The following RORA variants were observed in gnomAD, a reference collection of about 807,000 sequenced individuals.
RORA encodes the protein nuclear receptor ROR-alpha.
Under a neutral mutation model 69.5 loss-of-function variants are expected in RORA, and 7 were observed. The ratio of observed to expected loss-of-function variants is 0.10; its 90% CI spans 0.06 to 0.19. The LOEUF is 0.19. Among genes scored for constraint, RORA ranks in the 10% least tolerant of loss-of-function variants. RORA has a pLI of 1.00. For missense variants in RORA, 457 were observed against 663.0 expected, an observed-to-expected ratio of 0.69 and a Z score of 3.41; for synonymous variants, 261 against 240.8, an observed-to-expected ratio of 1.08 and a Z score of -0.78.
At chr15:60,916,506 C>T (rs1891876824) in intron 1 of RORA, among the ~76,000 whole-genome samples, 1 of 152,216 alleles carries the variant, frequency 6.6e-6, no homozygotes, top group Non-Finnish European at 1.5e-5. Flanking sequence ...CAGTCCCTAG[C>T]TCCCTTTGCC....
chr15:61,023,795 C>T (rs1344286064), intron 1 of RORA, among the ~76,000 whole-genome samples: 2 of 152,186 alleles, frequency 1.3e-5, no homozygotes, highest in African/African-American at 2.4e-5. Flanking sequence ...ATCTCAATCC[C>T]AACTTCTTCC....
rs140274911 is a variant in RORA, at chr15:60,738,203, T to G, written c.167-59517A>C. ...TTCAGCTATAGCCAAACATCGACAA[T>G]GTACCAAATGGAGACATTTTTGAAA... On this transcript the variant is annotated intron_variant, in intron 1 of 10. Transcript: ENST00000335670. 4.2e-3 allele frequency among the ~76,000 whole-genome samples: 635 copies of G among 152,336 alleles called. 4 individuals are homozygous for G. Among genetic ancestry groups the G allele is most frequent in the Middle Eastern group, 6.8e-3 (2 of 294 alleles).
chr15:60,830,426 G>A (rs1268807818), intron 1 of RORA, among the ~76,000 whole-genome samples: 1 of 152,142 alleles, frequency 6.6e-6, no homozygotes, highest in Admixed American at 6.5e-5. Flanking sequence ...ATTATATCGT[G>A]AGCATTTTAC....
At chr15:61,123,454 AG>A (rs1226788599) in intron 1 of RORA, among the ~76,000 whole-genome samples, 1 of 152,180 alleles carries the variant, frequency 6.6e-6, no homozygotes, top group African/African-American at 2.4e-5. Context: ...AATCCATATT[AG>A]GGGGCACATG....
At chr15:60,856,379 T>G (rs80184971) in intron 1 of RORA, among the ~76,000 whole-genome samples, 1,908 of 152,254 alleles carry the variant, frequency 0.013, 24 homozygotes, top group Non-Finnish European at 0.02. Flanking sequence ...CCAGGTCTCT[T>G]CCTGTCCAAC....
At chr15:60,991,000 A>C (rs2140369523) in intron 1 of RORA, among the ~76,000 whole-genome samples, 1 of 152,336 alleles carries the variant, frequency 6.6e-6, no homozygotes, top group South Asian at 2.1e-4. Context: ...AAAAGCAAAC[A>C]ACTGTTTTTC....
chr15:60,892,966 G>A (rs772369987), intron 1 of RORA, among the ~76,000 whole-genome samples: 10 of 152,198 alleles, frequency 6.6e-5, no homozygotes, highest in Non-Finnish European at 1.0e-4. Context: ...ACATTTGCCT[G>A]CCCACCCCCT....
intron 1 of RORA, among the ~76,000 whole-genome samples, chr15:60,860,151 G>A (rs1415152943): frequency 2.0e-5 from 3 of 152,138 alleles, no homozygotes; most frequent in South Asian, 2.1e-4. Flanking sequence ...TCAATGGTCC[G>A]GATTGAGATC....
intron 1 of RORA, among the ~76,000 whole-genome samples, chr15:60,703,703 C>T (rs966554149): frequency 6.6e-6 from 1 of 152,170 alleles, no homozygotes; most frequent in Non-Finnish European, 1.5e-5. Context: ...GCTCACATCA[C>T]ACATCCTTTC....
intron 1 of RORA, among the ~76,000 whole-genome samples, chr15:60,714,387 A>G (rs2071192088): frequency 7.1e-6 from 1 of 141,318 alleles, no homozygotes. Flanking sequence ...ATTTTTTGAG[A>G]TGGAGTCTTG....
rs1037963935 is a variant in RORA at position 61,226,106 on chromosome 15, T to C, written c.166+2947A>G. On this transcript the variant is annotated intron_variant, in intron 1 of 10. Coordinates refer to ENST00000335670, the MANE Select transcript of RORA (RefSeq NM_134261.3). The surrounding 1 kb of genome is among the most constrained non-coding windows in gnomAD (Gnocchi z 4.2). ...CACTTGGATTCCCAAGAGGGAGGAA[T>C]TCAACAGTAGCCTCAAGTCTACCTA... Among the ~76,000 whole-genome samples the C allele has an allele frequency of 6.6e-6, 1 of 152,170 alleles. No homozygotes were observed. Among genetic ancestry groups the C allele is most frequent in the African/African-American group, 2.4e-5 (1 of 41,446 alleles).
intron 1 of RORA, among the ~76,000 whole-genome samples, chr15:60,944,975 A>T (rs1201269317): frequency 6.6e-6 from 1 of 152,196 alleles, no homozygotes; most frequent in Non-Finnish European, 1.5e-5. Flanking sequence ...GAGATATAAC[A>T]GATGCCCGAT....
intron 1 of RORA, among the ~76,000 whole-genome samples, chr15:60,900,540 A>G (rs941131604): frequency 9.9e-5 from 15 of 152,274 alleles, no homozygotes; most frequent in Admixed American, 9.8e-4. Flanking sequence ...TGTTTGGGGC[A>G]TATATCTTAT....
chr15:60,500,829 AT>A (rs765389849), intron 9 of RORA, 129 bp downstream of exon 9: 17 of 510,514 alleles, frequency 3.3e-5, no homozygotes, highest in Non-Finnish European at 5.9e-5. Context: ...TTAAAATCCA[AT>A]TTAATAAGGG....
Position 61,092,577 on chromosome 15 carries a change from C to G in RORA, c.166+136476G>C, listed in dbSNP as rs1385990093. ...GAAAAGGAGAAACACTGCATTCTTG[C>G]TGCCAAAAGAAATGTAAAAATATGA... On this transcript the variant is annotated intron_variant, in intron 1 of 10. Transcript: ENST00000335670. 1.3e-5 allele frequency among the ~76,000 whole-genome samples: 2 copies of G among 152,190 alleles called. 1 individual carries two copies. Among genetic ancestry groups the G allele is most frequent in the South Asian group, 4.1e-4 (2 of 4,834 alleles).
intron 1 of RORA, among the ~76,000 whole-genome samples, chr15:60,945,437 A>G (rs1329919105): frequency 6.6e-6 from 1 of 152,128 alleles, no homozygotes; most frequent in Non-Finnish European, 1.5e-5. Context: ...GTCAGGGGAA[A>G]CGTTGTTATA....
chr15:61,153,884 T>A (rs1326484101), intron 1 of RORA, among the ~76,000 whole-genome samples: 1 of 152,262 alleles, frequency 6.6e-6, no homozygotes, highest in Non-Finnish European at 1.5e-5. Context: ...TTATCATTCA[T>A]GCTAGCTAGC....
chr15:60,725,208 C>T (rs1196011562), intron 1 of RORA, among the ~76,000 whole-genome samples: 1 of 152,102 alleles, frequency 6.6e-6, no homozygotes, highest in Non-Finnish European at 1.5e-5. Flanking sequence ...GTCTTCTTTT[C>T]CCCCGATTCA....
At chr15:60,711,609 G>C (rs2071145014) in intron 1 of RORA, among the ~76,000 whole-genome samples, 1 of 152,116 alleles carries the variant, frequency 6.6e-6, no homozygotes, top group South Asian at 2.1e-4. Context: ...TAGGCTGAGG[G>C]TCTCCTTCCT....
Sources: allele counts gnomAD v4.1 joint callset (sites outside exome capture counted in the v4.1 genomes callset), GRCh38; gene constraint gnomAD v4.1.1; non-coding constraint Gnocchi (gnomAD v3.1); transcripts MANE v1.5; gene names NCBI Gene and HGNC (gene_info 2026-07-23, HGNC 2026-07-21).